Variants in FAM186A observed in about 807,000 individuals in gnomAD.
The protein encoded by FAM186A is family with sequence similarity 186 member A, also known as protein FAM186A.
In FAM186A, 163 loss-of-function variants were observed where a neutral mutation model predicts 216.8. The observed-to-expected ratio is 0.75, with a 90% confidence interval of 0.66 to 0.86. The LOEUF (loss-of-function observed/expected upper bound fraction) is 0.86. Among genes scored for constraint, FAM186A ranks in the 40% least tolerant of loss-of-function variants. The pLI, the probability that FAM186A is intolerant of heterozygous loss-of-function variation, is 0.00. For missense variants in FAM186A, 2,184 were observed against 2,746.2 expected, an observed-to-expected ratio of 0.80 and a Z score of 4.58; for synonymous variants, 805 against 1,025.3, an observed-to-expected ratio of 0.79 and a Z score of 4.10.
Position 50,351,511 on chromosome 12 carries a change from G to A in FAM186A, c.5321C>T (p.Pro1774Leu), listed in dbSNP as rs779560050. ...RVPLNQGPFA[P>L]GKPLEMGILS... ...AATCCCCATTTCTAGGGGCTTCCCA[G>A]GGGCAAAGGGGCCTTGGTTGAGGGG... The change falls in exon 4 of 8, where the codon CCT (proline) becomes CTT (leucine). Residue 1774 changes from proline to leucine, a missense_variant. Transcript: ENST00000327337. 4 of 1,502,222 alleles carry A rather than the reference G, an allele frequency of 2.7e-6. No homozygotes were observed. The highest frequency in any genetic ancestry group is 2.8e-5 in the African/African-American group (2 of 70,970). 93.1% of individuals were successfully genotyped at this position (1,502,222 alleles called of 1,614,324 possible).
At chr12:50,337,997 G>A (rs1445886371) in intron 4 of FAM186A, among the ~76,000 whole-genome samples, 1 of 152,016 alleles carries the variant, frequency 6.6e-6, no homozygotes, top group African/African-American at 2.4e-5. Context: ...TAGAATCATG[G>A]CTATTCATCC....
At chr12:50,336,515 A>G (rs967352624) in intron 4 of FAM186A, among the ~76,000 whole-genome samples, 3 of 152,130 alleles carry the variant, frequency 2.0e-5, no homozygotes, top group Non-Finnish European at 4.4e-5. Context: ...ATACCTTTTG[A>G]ATCAAAATCT....
intron 4 of FAM186A, among the ~76,000 whole-genome samples, chr12:50,342,347 AAG>A (rs1942771722): frequency 6.6e-6 from 1 of 151,850 alleles, no homozygotes; most frequent in African/African-American, 2.4e-5. Context: ...CAAAAAAACA[AAG>A]AATGTTACAT....
intron 1 of FAM186A, among the ~76,000 whole-genome samples, chr12:50,370,059 G>A (rs907760116): frequency 1.5e-5 from 2 of 135,602 alleles, no homozygotes; most frequent in African/African-American, 5.6e-5. Context: ...GGGAGGCGGA[G>A]CTTGCAGTGA....
chr12:50,395,472 T>C (rs1290278256), intron 1 of FAM186A, among the ~76,000 whole-genome samples: 1 of 152,098 alleles, frequency 6.6e-6, no homozygotes, highest in Non-Finnish European at 1.5e-5. Context: ...TATTTATTTA[T>C]TTATTTATTT....
chr12:50,393,713 G>GGT (rs1943385781), intron 1 of FAM186A, among the ~76,000 whole-genome samples: 1 of 152,062 alleles, frequency 6.6e-6, no homozygotes, highest in Admixed American at 6.6e-5. Context: ...CAGACGTGCT[G>GGT]GTGTGTGTGC....
At chr12:50,344,820 A>G (rs1443642578) in intron 4 of FAM186A, among the ~76,000 whole-genome samples, 1 of 152,160 alleles carries the variant, frequency 6.6e-6, no homozygotes, top group Non-Finnish European at 1.5e-5. Context: ...TAAAAAATTA[A>G]AAAATTAGCC....
chr12:50,353,393 G>A lies in FAM186A; in HGVS notation c.3439C>T (p.Leu1147Phe). Reference protein sequence around the residue: ...PQQTQVQGITLTPQQDQAPGI... With the variant: ...PQQTQVQGITFTPQQDQAPGI... ...GGGGCCTGGTCCTGCTGAGGGGTGA[G>A]AGTGATCCCTTGAACCTGGGTCTGC... The change falls in exon 4 of 8, where the codon CTC becomes TTC. Residue 1147 changes from leucine to phenylalanine, a missense_variant. Transcript: ENST00000327337. The A allele has an allele frequency of 6.5e-7, 1 of 1,533,934 alleles. No homozygotes were observed. Among genetic ancestry groups the A allele is most frequent in the Non-Finnish European group, 8.8e-7 (1 of 1,138,840 alleles).
Position 50,356,233 on chromosome 12 carries a change from A to G in FAM186A, c.599T>C (p.Leu200Pro). ...AACTCTTTCTTTCCAAGATTTCCATAGAGTACCTCTAGATACTGAAGAACA... is the reference window on the plus strand; with the variant it reads ...AACTCTTTCTTTCCAAGATTTCCATGGAGTACCTCTAGATACTGAAGAACA... ...QKKKILSRGTLWKSWKERVIK... is the reference protein window; with the variant it reads ...QKKKILSRGTPWKSWKERVIK... Residue 200 changes from leucine to proline, a missense_variant, in exon 4 of 8, where the codon CTA (leucine) becomes CCA (proline). Leu to Pro is a moderately conservative substitution (Grantham distance 98). Coordinates refer to ENST00000327337, the MANE Select transcript of FAM186A (RefSeq NM_001145475.3). 3 of 1,549,264 alleles carry G rather than the reference A, an allele frequency of 1.9e-6. No homozygotes were observed. Among genetic ancestry groups the G allele is most frequent in the Non-Finnish European group, 2.6e-6 (3 of 1,146,452 alleles).
Position 50,331,687 on chromosome 12 carries a change from G to A in FAM186A, c.6831C>T (p.Asp2277=). ...GCACATACCTAAATTTCTTGCATAT[G>A]TCAGAGGTTCTGTCCTCTTCCATTA... is the stretch of plus-strand genomic sequence containing the variant. The part of the protein sequence containing the change: ...KLLMEEDRTS[D]ICKKFRQQED... Residue 2277 remains aspartate, a synonymous_variant, in exon 6 of 8, where the codon GAC becomes GAT. Coordinates refer to ENST00000327337, the MANE Select transcript of FAM186A (RefSeq NM_001145475.3). The A allele has an allele frequency of 6.5e-7, 1 of 1,544,170 alleles. No homozygotes were observed.
intron 7 of FAM186A, among the ~76,000 whole-genome samples, chr12:50,327,940 TAGA>T: frequency 6.6e-6 from 1 of 152,186 alleles, no homozygotes; most frequent in East Asian, 1.9e-4. Context: ...TATTGCTTAT[TAGA>T]CAGTATTCTT....
At chr12:50,365,534 A>G (rs1943079186) in intron 1 of FAM186A, 1 of 349,692 alleles carries the variant, frequency 2.9e-6, no homozygotes, top group Non-Finnish European at 5.2e-6. Context: ...CAACTTTATT[A>G]TTCTTTCATT....
chr12:50,334,189 A>T lies in FAM186A; in HGVS notation c.6504-86T>A, dbSNP rs146489457. 890 of 1,138,136 alleles carry T rather than the reference A, an allele frequency of 7.8e-4. 5 individuals carry two copies. In the African/African-American group the frequency reaches 0.013, roughly 16 times the overall value. The allele number at this position is 1,138,136 out of a possible 1,614,324, so 70.5% of individuals were successfully genotyped here. On this transcript the variant is annotated intron_variant, in intron 4 of 7. Coordinates refer to ENST00000327337, the MANE Select transcript of FAM186A (RefSeq NM_001145475.3). ...GTCCTCAGTTTCTTTTTTTTTTTTG[A>T]GACGGAGTTTCGATCTTGTTGCCCA...
intron 4 of FAM186A, among the ~76,000 whole-genome samples, chr12:50,339,484 G>A (rs1488831902): frequency 6.6e-6 from 1 of 151,956 alleles, no homozygotes; most frequent in East Asian, 1.9e-4. Flanking sequence ...AAACATTTAG[G>A]TGGATGCCAC....
At chr12:50,393,988 G>C (rs982259045) in intron 1 of FAM186A, among the ~76,000 whole-genome samples, 2 of 151,934 alleles carry the variant, frequency 1.3e-5, no homozygotes, top group African/African-American at 4.8e-5. Context: ...GCACCATCTC[G>C]GCTCACTGCA....
At chr12:50,346,476 C>G (rs1198225555) in intron 4 of FAM186A, among the ~76,000 whole-genome samples, 1 of 152,168 alleles carries the variant, frequency 6.6e-6, no homozygotes, top group Admixed American at 6.5e-5. Flanking sequence ...CTGCCCACCT[C>G]AGCCTCCTAC....
At position 50,351,712 on chromosome 12, in the gene FAM186A, T is replaced by C. The variant is rs1942883924; in HGVS notation, c.5120A>G (p.Gln1707Arg). 2 of 1,551,538 alleles carry C rather than the reference T, an allele frequency of 1.3e-6. No individual in the cohort carries two copies. Among genetic ancestry groups the C allele is most frequent in the Non-Finnish European group, 1.7e-6 (2 of 1,146,894 alleles). The change falls in exon 4 of 8, where the codon CAA (glutamine) becomes CGA (arginine). Residue 1707 changes from glutamine to arginine, a missense_variant. Coordinates refer to ENST00000327337, the MANE Select transcript of FAM186A (RefSeq NM_001145475.3). ...AAATGGTCTATGGGACCACTGGACT[T>C]GCTTAAGGGTGAGGGGCGATCCCAA... The part of the protein sequence containing the change: ...HTLGSPLTLK[Q>R]VQWSHRPFQK...
intron 7 of FAM186A, among the ~76,000 whole-genome samples, chr12:50,327,887 C>T (rs1050504142): frequency 2.6e-5 from 4 of 152,096 alleles, no homozygotes; most frequent in Admixed American, 6.6e-5. Flanking sequence ...GACAGAATGC[C>T]TTGAAGACCC....
intron 1 of FAM186A, among the ~76,000 whole-genome samples, chr12:50,376,781 C>T (rs1943202630): frequency 6.6e-6 from 1 of 151,686 alleles, no homozygotes; most frequent in Admixed American, 6.6e-5. Context: ...TATTCTGTTG[C>T]CCAGGCTGGA....
Sources: allele counts gnomAD v4.1 joint callset (sites outside exome capture counted in the v4.1 genomes callset), GRCh38; gene constraint gnomAD v4.1.1; transcripts MANE v1.5; gene names NCBI Gene and HGNC (gene_info 2026-07-23, HGNC 2026-07-21).